HHAT: variants seen among roughly 807,000 people sequenced by gnomAD.
The protein encoded by HHAT is hedgehog acyltransferase, also known as protein-cysteine N-palmitoyltransferase HHAT.
A neutral mutation model predicts 70.8 loss-of-function variants in HHAT; 47 were observed. The ratio of observed to expected loss-of-function variants is 0.66; its 90% CI spans 0.53 to 0.85. The LOEUF (loss-of-function observed/expected upper bound fraction) is 0.85. Among genes scored for constraint, HHAT ranks in the 40% least tolerant of loss-of-function variants. The pLI, the probability that HHAT is intolerant of heterozygous loss-of-function variation, is 0.00. For synonymous variants in HHAT, 228 were observed against 247.6 expected (o/e 0.92, Z 0.74); for missense variants, 609 against 604.8 (o/e 1.01, Z -0.07).
At chr1:210,496,016 A>AAAAAAT (rs2094633929) in intron 8 of HHAT, among the ~76,000 whole-genome samples, 1 of 150,160 alleles carries the variant, frequency 6.7e-6, no homozygotes, top group South Asian at 2.1e-4. Context: ...ATCTCAAAAA[A>AAAAAAT]AAAAAAAAAA....
chr1:210,418,906 A>G (rs914770610), intron 7 of HHAT, among the ~76,000 whole-genome samples: 2 of 152,014 alleles, frequency 1.3e-5, no homozygotes, highest in Admixed American at 1.3e-4. Flanking sequence ...GGTGAGAGAC[A>G]CCTGTAATCC....
chr1:210,612,209 G>A (rs1031636667), intron 10 of HHAT, among the ~76,000 whole-genome samples: 1 of 152,028 alleles, frequency 6.6e-6, no homozygotes, highest in Non-Finnish European at 1.5e-5. Context: ...CCACATTTGG[G>A]TATACAATTA....
Position 210,454,291 on chromosome 1 carries a change from C to G in HHAT, c.857-10214C>G, listed in dbSNP as rs12075789. Reference sequence around the variant, plus strand: ...CCCTTCGGCCGGGCACGGTGACTCACGCCTGTAATCCCAGCACTTCGGGAG... The same window carrying G: ...CCCTTCGGCCGGGCACGGTGACTCAGGCCTGTAATCCCAGCACTTCGGGAG... On this transcript the variant is annotated intron_variant, in intron 7 of 11. Coordinates refer to ENST00000261458, the MANE Select transcript of HHAT (RefSeq NM_018194.6). Among the ~76,000 whole-genome samples the G allele has an allele frequency of 2.6e-5, 4 of 152,284 alleles. No individual in the cohort carries two copies. In the South Asian group the frequency reaches 6.2e-4, roughly 24 times the overall value.
At chr1:210,588,168 G>A in intron 10 of HHAT, 69 bp downstream of exon 10, 2 of 1,322,296 alleles carry the variant, frequency 1.5e-6, no homozygotes, top group Admixed American at 2.1e-5. Context: ...TTAGGGATGG[G>A]GCCATCAGAT....
intron 6 of HHAT, among the ~76,000 whole-genome samples, chr1:210,411,150 T>C (rs556156170): frequency 4.5e-4 from 68 of 152,308 alleles, no homozygotes; most frequent in Non-Finnish European, 8.1e-4. Context: ...TGATTGGGTG[T>C]CAGCGATATT....
intron 9 of HHAT, among the ~76,000 whole-genome samples, chr1:210,580,523 T>A (rs555920363): frequency 3.5e-4 from 43 of 122,586 alleles, no homozygotes; most frequent in Middle Eastern, 9.6e-3. Flanking sequence ...CTGGTGTGTG[T>A]TGTTCCCCTG....
chr1:210,444,332 C>T (rs1279431149), intron 7 of HHAT, among the ~76,000 whole-genome samples: 1 of 140,100 alleles, frequency 7.1e-6, no homozygotes, highest in Admixed American at 7.2e-5. Context: ...CTCTGCCTCG[C>T]TTTGGTATCA....
At chr1:210,601,956 A>AGAGAGAGAGAGAGAGAGAGAGT (rs374229402) in intron 10 of HHAT, among the ~76,000 whole-genome samples, 1 of 91,080 alleles carries the variant, frequency 1.1e-5, no homozygotes, top group African/African-American at 3.6e-5. Context: ...AGAGAGAGAG[A>AGAGAGAGAGAGAGAGAGAGAGT]GTATGTGTGT....
intron 11 of HHAT, among the ~76,000 whole-genome samples, chr1:210,643,817 A>G (rs1225678389): frequency 6.6e-6 from 1 of 152,222 alleles, no homozygotes; most frequent in Non-Finnish European, 1.5e-5. Flanking sequence ...AAGCATCTGG[A>G]AACATTACAC....
chr1:210,347,411 A>C (rs190858439), intron 1 of HHAT, among the ~76,000 whole-genome samples: 1 of 152,168 alleles, frequency 6.6e-6, no homozygotes, highest in African/African-American at 2.4e-5. Context: ...CATGACTGTC[A>C]CATGTTAGAA....
intron 8 of HHAT, among the ~76,000 whole-genome samples, chr1:210,483,768 GGGT>G (rs2094433700): frequency 1.3e-5 from 2 of 152,198 alleles, no homozygotes; most frequent in South Asian, 4.1e-4. Context: ...ATCTCCTCAT[GGGT>G]TACATTTTTG....
chr1:210,429,322 A>G (rs907725026), intron 7 of HHAT, among the ~76,000 whole-genome samples: 9 of 151,796 alleles, frequency 5.9e-5, no homozygotes, highest in African/African-American at 2.2e-4. Context: ...GTCTCCAAAT[A>G]TATTTTAAAG....
chr1:210,546,174 T>C (rs372902781), intron 9 of HHAT, among the ~76,000 whole-genome samples: 2 of 152,202 alleles, frequency 1.3e-5, no homozygotes, highest in South Asian at 2.1e-4. Context: ...GTCTACTACA[T>C]GCCAGGCAAC....
At chr1:210,523,132 T>A (rs1023376997) in intron 9 of HHAT, among the ~76,000 whole-genome samples, 1 of 152,088 alleles carries the variant, frequency 6.6e-6, no homozygotes, top group Non-Finnish European at 1.5e-5. Context: ...GCCCTGATGC[T>A]TCCCCTCCCT....
At chr1:210,473,873 C>T (rs1201163656) in intron 8 of HHAT, among the ~76,000 whole-genome samples, 1 of 152,180 alleles carries the variant, frequency 6.6e-6, no homozygotes, top group East Asian at 1.9e-4. Flanking sequence ...ATTTCTAATT[C>T]AGACATCCCT....
At chr1:210,664,165 C>G (rs1285924744) in intron 11 of HHAT, among the ~76,000 whole-genome samples, 2 of 152,166 alleles carry the variant, frequency 1.3e-5, no homozygotes, top group Non-Finnish European at 2.9e-5. Flanking sequence ...GATAAGATAA[C>G]CAGCCCTCTG....
chr1:210,617,605 T>G, intron 10 of HHAT, among the ~76,000 whole-genome samples: 1 of 152,342 alleles, frequency 6.6e-6, no homozygotes, highest in South Asian at 2.1e-4. Flanking sequence ...GCCAGTTGTT[T>G]CCTTAGTTAT....
Position 210,489,081 on chromosome 1 carries a change from G to T in HHAT, c.1008-24072G>T, listed in dbSNP as rs180979222. Reference sequence around the variant, plus strand: ...TGTTAATTGAAAAGTCTTAAGTAACGTTCTTTCTACCTGTATGTGTTCATT... The same window carrying T: ...TGTTAATTGAAAAGTCTTAAGTAACTTTCTTTCTACCTGTATGTGTTCATT... On this transcript the variant is annotated intron_variant, in intron 8 of 11. Transcript: ENST00000261458. 2.6e-5 allele frequency among the ~76,000 whole-genome samples: 4 copies of T among 152,246 alleles called. No homozygotes were observed. The East Asian group carries it at 7.7e-4, about 29-fold the overall frequency.
chr1:210,645,109 T>C (rs573095909), intron 11 of HHAT, among the ~76,000 whole-genome samples: 3 of 152,262 alleles, frequency 2.0e-5, no homozygotes, highest in African/African-American at 7.2e-5. Flanking sequence ...GCTTTATAGA[T>C]GAGGAAACAA....
Sources: allele counts gnomAD v4.1 joint callset (sites outside exome capture counted in the v4.1 genomes callset), GRCh38; gene constraint gnomAD v4.1.1; transcripts MANE v1.5; gene names NCBI Gene and HGNC (gene_info 2026-07-23, HGNC 2026-07-21).